The following HGS variants were observed in gnomAD, a reference collection of about 807,000 sequenced individuals.
HGS encodes the protein human growth factor-regulated tyrosine kinase substrate.
Under a neutral mutation model 109.7 loss-of-function variants are expected in HGS, and 63 were observed. The observed-to-expected ratio is 0.57, with a 90% confidence interval of 0.47 to 0.71. The LOEUF is 0.71. Ranked by LOEUF, HGS falls within the 30% of genes least tolerant of loss-of-function variation. The probability of loss-of-function intolerance (pLI) is 0.00; values close to 1 mark genes in which losing one functional copy is unlikely to be tolerated. For missense variants in HGS, 995 were observed against 1,068.3 expected, an observed-to-expected ratio of 0.93 and a Z score of 0.96; for synonymous variants, 546 against 437.3, an observed-to-expected ratio of 1.25 and a Z score of -3.10.
At position 81,701,858 on chromosome 17, in the gene HGS, G is replaced by C; in HGVS notation, c.*240G>C. On this transcript the variant is annotated 3_prime_UTR_variant, in exon 22 of 22. Coordinates refer to ENST00000329138, the MANE Select transcript of HGS (RefSeq NM_004712.5). ...ATGGGGAGGGAAGGACTTTCTCCCA[G>C]GGGAAGCCCCCAGCCCTGTGGGTCA... 1 of 521,486 alleles carries C rather than the reference G, an allele frequency of 1.9e-6. No homozygotes were observed. The allele number at this position is 521,486 out of a possible 1,614,324, so 32.3% of individuals were successfully genotyped here.
At position 81,690,291 on chromosome 17, in the gene HGS, G is replaced by T. The variant is rs866779280; in HGVS notation, c.468+57G>T. 3.2e-5 allele frequency: 49 copies of T among 1,548,138 alleles called. No homozygotes were observed. The Middle Eastern group carries it at 1.9e-3, about 59-fold the overall frequency. Reference sequence around the variant, plus strand: ...GTCGGGCTGCTCAGGAAGCGTGAAGGGGAGTGCTGGGAGCCCGGCTTGTTT... The same window carrying T: ...GTCGGGCTGCTCAGGAAGCGTGAAGTGGAGTGCTGGGAGCCCGGCTTGTTT... On this transcript the variant is annotated intron_variant, in intron 6 of 21. Transcript: ENST00000329138.
chr17:81,701,740 GA>G lies in HGS; in HGVS notation c.*123del. Reference sequence around the variant, plus strand: ...CCGGTAGTGTCCCTTCTCTGCGAGTGAGGGGGGGCCTTCACCCCAAGCCCAC... The same window carrying G: ...CCGGTAGTGTCCCTTCTCTGCGAGTGGGGGGGGCCTTCACCCCAAGCCCAC... On this transcript the variant is annotated 3_prime_UTR_variant, in exon 22 of 22. Coordinates refer to ENST00000329138, the MANE Select transcript of HGS (RefSeq NM_004712.5). The G allele has an allele frequency of 2.1e-6, 3 of 1,399,658 alleles. No homozygotes were observed. Among genetic ancestry groups the G allele is most frequent in the Non-Finnish European group, 2.8e-6 (3 of 1,058,090 alleles). 86.7% of individuals were successfully genotyped at this position (1,399,658 alleles called of 1,614,324 possible).
In HGS at chr17:81,696,890, A is replaced by C. The variant is rs751345312; in HGVS notation, c.1774A>C (p.Thr592Pro). The C allele has an allele frequency of 6.2e-7, 1 of 1,609,752 alleles. No homozygotes were observed. Among genetic ancestry groups the C allele is most frequent in the African/African-American group, 1.3e-5 (1 of 74,656 alleles). Residue 592 changes from threonine to proline, a missense_variant, in exon 18 of 22, where the codon ACC becomes CCC. Around this residue, in one of 6 missense-constraint regions of HGS, gnomAD observed 326 missense variants for 309.7 expected, o/e 1.05. Transcript: ENST00000329138. Reference protein sequence around the residue: ...QPSGPASFPSTFSPAGSVEGS... With the variant: ...QPSGPASFPSPFSPAGSVEGS... Reference sequence around the variant, plus strand: ...CTCGGGACCAGCCAGCTTCCCCAGCACCTTCAGCCCTGCCGGCTCGGTGGA... The same window carrying C: ...CTCGGGACCAGCCAGCTTCCCCAGCCCCTTCAGCCCTGCCGGCTCGGTGGA...
At chr17:81,697,157 A>G in intron 18 of HGS, 159 bp downstream of exon 18, 1 of 774,418 alleles carries the variant, frequency 1.3e-6, no homozygotes, top group Admixed American at 3.1e-5. Context: ...ACGCACTCAC[A>G]CAGGCTTTCC....
intron 10 of HGS, 37 bp from the exon 11 acceptor site, chr17:81,693,833 G>A (rs368060701): frequency 7.8e-5 from 122 of 1,566,316 alleles, no homozygotes; most frequent in Middle Eastern, 1.7e-4. Context: ...GGGGCGTCAC[G>A]TGCACCCAAG....
intron 14 of HGS, chr17:81,695,532 C>CA (rs1353952566): frequency 1.7e-6 from 1 of 599,112 alleles, no homozygotes; most frequent in Non-Finnish European, 3.0e-6. Flanking sequence ...GGTTGGCTGT[C>CA]AGAGCACAGG....
rs763132815 is a variant in HGS, at chr17:81,700,451, G to A, written c.1883-16G>A. ...TTGCCCTGGCTGAACCATCTCCCCT[G>A]TCTTGTTTGTCACAGATCCCAGCAT... On this transcript the variant is annotated splice_polypyrimidine_tract_variant and intron_variant, in intron 18 of 21. Coordinates refer to ENST00000329138, the MANE Select transcript of HGS (RefSeq NM_004712.5). 6.5e-7 allele frequency: 1 copy of A among 1,544,712 alleles called. No individual in the cohort carries two copies. Among genetic ancestry groups the A allele is most frequent in the South Asian group, 1.2e-5 (1 of 81,728 alleles).
chr17:81,694,539 T>C (rs2037114575), intron 11 of HGS, among the ~76,000 whole-genome samples: 1 of 152,222 alleles, frequency 6.6e-6, no homozygotes, highest in South Asian at 2.1e-4. Context: ...AGTGTCCACC[T>C]TGAGGCCCCA....
At chr17:81,688,052 G>T (rs569568953) in intron 4 of HGS, among the ~76,000 whole-genome samples, 7 of 152,206 alleles carry the variant, frequency 4.6e-5, no homozygotes, top group Non-Finnish European at 7.3e-5. Context: ...GGAAGGCGCC[G>T]CTGAGGATGC....
intron 14 of HGS, 134 bp from the exon 15 acceptor site, chr17:81,695,652 A>T: frequency 1.3e-6 from 1 of 767,138 alleles, no homozygotes; most frequent in Non-Finnish European, 2.2e-6. Context: ...CAGCTGTAGA[A>T]GGGGCTGCTT....
At chr17:81,701,206 T>G in intron 21 of HGS, 75 bp downstream of exon 21, 2 of 1,300,160 alleles carry the variant, frequency 1.5e-6, no homozygotes, top group Non-Finnish European at 2.2e-6. Flanking sequence ...ATGGGACCCC[T>G]GGCCCCAGTG....
At position 81,688,914 on chromosome 17, in the gene HGS, G is replaced by GT. The variant is rs557983985; in HGVS notation, c.415+87_415+88insT. On this transcript the variant is annotated intron_variant, in intron 5 of 21. Transcript: ENST00000329138. ...ACGGGCACAGTGGCGAGGGGCCTGG[G>GT]AAGATGGGTTGTTCCCTGTGTTGGG... 54 of 1,546,056 alleles carry GT rather than the reference G, an allele frequency of 3.5e-5. No homozygotes were observed. In the African/African-American group the frequency reaches 6.9e-4, roughly 20 times the overall value.
At chr17:81,698,954 C>G (rs2037193560) in intron 18 of HGS, among the ~76,000 whole-genome samples, 1 of 151,892 alleles carries the variant, frequency 6.6e-6, no homozygotes, top group Admixed American at 6.6e-5. Flanking sequence ...GTAATCCCAG[C>G]TACTTGGGAG....
At chr17:81,694,659 A>T (rs924678802) in intron 11 of HGS, among the ~76,000 whole-genome samples, 156 bp from the exon 12 acceptor site, 4 of 152,172 alleles carry the variant, frequency 2.6e-5, no homozygotes, top group African/African-American at 9.7e-5. Flanking sequence ...AGGAGAAAAG[A>T]TGGCTGCTCA....
Position 81,686,390 on chromosome 17 carries a change from A to G in HGS, c.198+3A>G, listed in dbSNP as rs1431311141. Reference sequence around the variant, plus strand: ...ACGTCGCCTTGTATGCCCTGGAGGTAAGCAGACCCCCGTGCCTCAGTGGCC... The same window carrying G: ...ACGTCGCCTTGTATGCCCTGGAGGTGAGCAGACCCCCGTGCCTCAGTGGCC... On this transcript the variant is annotated splice_donor_region_variant and intron_variant, in intron 3 of 21. Transcript: ENST00000329138. The G allele has an allele frequency of 1.2e-6, 2 of 1,612,624 alleles. No individual in the cohort carries two copies. Among genetic ancestry groups the G allele is most frequent in the South Asian group, 1.1e-5 (1 of 91,080 alleles).
rs1183972450 is a variant in HGS, at chr17:81,685,611, C to T, written c.44C>T (p.Ala15Val). 1.2e-6 allele frequency: 2 copies of T among 1,608,264 alleles called. No homozygotes were observed. The highest frequency in any genetic ancestry group is 1.7e-6 in the Non-Finnish European group (2 of 1,177,228). ...ATGGCATTTTCTCTCTCAGACAAGG[C>T]GACCAGCCAGCTCCTGTTGGAGACA... The part of the protein sequence containing the change: ...SGTFERLLDK[A>V]TSQLLLETDW... The change falls in exon 2 of 22, where the codon GCG (alanine) becomes GTG (valine). Residue 15 changes from alanine to valine, a missense_variant. Ala to Val is a moderately conservative substitution (Grantham distance 64). Transcript: ENST00000329138.
Position 81,701,792 on chromosome 17 carries a change from T to A in HGS, c.*174T>A. ...CTCCCTTGTCCTCAGCCTACTGCAG[T>A]CCCTGAGTTAGTCTCTGCTTTCTTT... On this transcript the variant is annotated 3_prime_UTR_variant, in exon 22 of 22. Transcript: ENST00000329138. The A allele has an allele frequency of 1.1e-6, 1 of 914,894 alleles. No homozygotes were observed. The highest frequency in any genetic ancestry group is 1.5e-6 in the Non-Finnish European group (1 of 647,322). The allele number at this position is 914,894 out of a possible 1,614,324, so 56.7% of individuals were successfully genotyped here.
intron 4 of HGS, among the ~76,000 whole-genome samples, chr17:81,687,455 G>T (rs2036997493): frequency 6.6e-6 from 1 of 152,194 alleles, no homozygotes; most frequent in African/African-American, 2.4e-5. Context: ...TGGCTATCGT[G>T]TGTGAGAGTG....
At chr17:81,701,368 CATGAGCTGGCTGCATG>C (rs1216387802) in intron 21 of HGS, 124 bp from the exon 22 acceptor site, 7 of 988,080 alleles carry the variant, frequency 7.1e-6, no homozygotes, top group Non-Finnish European at 1.0e-5. Flanking sequence ...GCAAAGGCCG[CATGAGCTGGCTGCATG>C]AGCTGCAGTC....
Sources: gnomAD v4.1 joint callset for allele counts (sites outside exome capture counted in the v4.1 genomes callset) on GRCh38, gnomAD v4.1.1 for gene constraint, gnomAD v4.1.1 regional missense constraint, MANE v1.5 for transcripts, NCBI Gene and HGNC (gene_info 2026-07-23, HGNC 2026-07-21) for gene names.